The following PDE3A variants were observed in gnomAD, a reference collection of about 807,000 sequenced individuals.
PDE3A encodes cGMP-inhibited 3',5'-cyclic phosphodiesterase 3A.
Under a neutral mutation model 98.3 loss-of-function variants are expected in PDE3A, and 43 were observed. The observed-to-expected ratio is 0.44, with a 90% CI of 0.34 to 0.56. The LOEUF (loss-of-function observed/expected upper bound fraction) is 0.56, where lower values mean the gene tolerates loss of function less well. Among genes scored for constraint, PDE3A ranks in the 20% least tolerant of loss-of-function variants. PDE3A has a pLI of 0.01. For synonymous variants in PDE3A, 663 were observed against 567.9 expected, an observed-to-expected ratio of 1.17 and a Z score of -2.38; for missense variants, 1,427 against 1,440.7, an observed-to-expected ratio of 0.99 and a Z score of 0.15.
At chr12:20,644,949 C>T (rs1375411260) in intron 10 of PDE3A, among the ~76,000 whole-genome samples, 11 of 148,542 alleles carry the variant, frequency 7.4e-5, no homozygotes, top group Non-Finnish European at 8.9e-5. Context: ...AGTGCAGTGG[C>T]GCAGTCTCAG....
chr12:20,645,726 A>AC (rs1356308267), intron 10 of PDE3A, among the ~76,000 whole-genome samples: 1 of 151,746 alleles, frequency 6.6e-6, no homozygotes, highest in East Asian at 1.9e-4. Flanking sequence ...GTGGAGTATG[A>AC]CCCCCTTCCC....
chr12:20,580,537 T>C (rs2091883426), intron 2 of PDE3A, among the ~76,000 whole-genome samples: 1 of 152,192 alleles, frequency 6.6e-6, no homozygotes, highest in African/African-American at 2.4e-5. Context: ...ACTGGTAATA[T>C]TAAAAATATT....
At chr12:20,425,992 T>C (rs1365136123) in intron 1 of PDE3A, among the ~76,000 whole-genome samples, 1 of 152,182 alleles carries the variant, frequency 6.6e-6, no homozygotes, top group African/African-American at 2.4e-5. Flanking sequence ...CGTTAATTAC[T>C]AAAAAATTAT....
At chr12:20,435,618 TC>T (rs1236699274) in intron 1 of PDE3A, among the ~76,000 whole-genome samples, 3 of 152,170 alleles carry the variant, frequency 2.0e-5, no homozygotes, top group Non-Finnish European at 2.9e-5. Flanking sequence ...TGGATCTAAT[TC>T]CTGGTAGTAA....
chr12:20,403,938 ACT>A (rs890119420), intron 1 of PDE3A, among the ~76,000 whole-genome samples: 4 of 152,082 alleles, frequency 2.6e-5, no homozygotes, highest in Non-Finnish European at 5.9e-5. Context: ...AAATTTTCAA[ACT>A]CTATAATTTA....
chr12:20,567,209 A>G (rs1350865192), intron 2 of PDE3A, among the ~76,000 whole-genome samples: 1 of 152,034 alleles, frequency 6.6e-6, no homozygotes, highest in Non-Finnish European at 1.5e-5. Context: ...ATTATAATTT[A>G]TGAACTTACT....
chr12:20,369,631 G>C lies in PDE3A; in HGVS notation c.347G>C (p.Arg116Pro). The C allele has an allele frequency of 3.1e-6, 5 of 1,589,180 alleles. No homozygotes were observed. The highest frequency in any genetic ancestry group is 4.3e-6 in the Non-Finnish European group (5 of 1,168,546). Reference sequence around the variant, plus strand: ...GAAGGGGGCGTCTTCCCGGGGCCTCGGGGAGGTGCTCCCGGGGGCGGTGCG... The same window carrying C: ...GAAGGGGGCGTCTTCCCGGGGCCTCCGGGAGGTGCTCCCGGGGGCGGTGCG... ...GAEGGVFPGPRGGAPGGGARL... is the reference protein window; with the variant it reads ...GAEGGVFPGPPGGAPGGGARL... The change falls in exon 1 of 16, where the codon CGG (arginine) becomes CCG (proline). Residue 116 changes from arginine to proline, a missense_variant. Transcript: ENST00000359062.
At chr12:20,437,760 C>T (rs188209711) in intron 1 of PDE3A, among the ~76,000 whole-genome samples, 4 of 152,222 alleles carry the variant, frequency 2.6e-5, no homozygotes, top group Admixed American at 6.5e-5. Flanking sequence ...GACAATTCAA[C>T]GTGAGATTTA....
In PDE3A at chr12:20,580,786, TTAC is replaced by T. The variant is rs916543395; in HGVS notation, c.1011+24077_1011+24079del. 4.1e-4 allele frequency among the ~76,000 whole-genome samples: 63 copies of T among 152,308 alleles called. 1 individual carries two copies. The highest frequency in any genetic ancestry group is 1.4e-3 in the African/African-American group (60 of 41,562). On this transcript the variant is annotated intron_variant, in intron 2 of 15. Coordinates refer to ENST00000359062, the MANE Select transcript of PDE3A (RefSeq NM_000921.5). Reference sequence around the variant, plus strand: ...AGCCTAGTATTAAAGTAATGCTCCTTTACCCCCTCTGCACACTCGCATGTTGCT... The same window carrying T: ...AGCCTAGTATTAAAGTAATGCTCCTTCCCCTCTGCACACTCGCATGTTGCT...
intron 2 of PDE3A, among the ~76,000 whole-genome samples, chr12:20,605,835 C>T (rs1943697333): frequency 6.6e-6 from 1 of 152,116 alleles, no homozygotes; most frequent in Non-Finnish European, 1.5e-5. Context: ...TTTGGTGCTG[C>T]TTCTAATTCT....
intron 2 of PDE3A, among the ~76,000 whole-genome samples, chr12:20,598,385 T>C (rs1943515604): frequency 6.6e-6 from 1 of 152,046 alleles, no homozygotes; most frequent in African/African-American, 2.4e-5. Flanking sequence ...GGTTTCACCA[T>C]GTTTGCCAGG....
At chr12:20,650,007 T>A (rs1042562379) in intron 13 of PDE3A, among the ~76,000 whole-genome samples, 1 of 152,216 alleles carries the variant, frequency 6.6e-6, no homozygotes, top group Non-Finnish European at 1.5e-5. Flanking sequence ...TAATGATTTT[T>A]AAAATTTTCA....
At position 20,650,548 on chromosome 12, in the gene PDE3A, A is replaced by G; in HGVS notation, c.2873A>G (p.Lys958Arg). 6.2e-7 allele frequency: 1 copy of G among 1,612,164 alleles called. No individual in the cohort carries two copies. The highest frequency in any genetic ancestry group is 8.5e-7 in the Non-Finnish European group (1 of 1,178,478). Residue 958 changes from lysine (K) to arginine (R), a missense_variant, in exon 14 of 16, where the codon AAA (lysine) becomes AGA (arginine). Around this residue, in one of 3 missense-constraint regions of PDE3A, gnomAD observed 273 missense variants for 420.3 expected, o/e 0.65. Transcript: ENST00000359062. ...LADINGPAKC[K>R]ELHLQWTDGI... ...GATATCAATGGTCCAGCTAAATGTA[A>G]AGAACTCCATCTTCAGTGGACAGAT... is the stretch of plus-strand genomic sequence containing the variant.
At chr12:20,474,885 C>A (rs1208732172) in intron 1 of PDE3A, among the ~76,000 whole-genome samples, 4 of 152,142 alleles carry the variant, frequency 2.6e-5, no homozygotes, top group African/African-American at 9.7e-5. Flanking sequence ...TATAAAATAA[C>A]TTTGACAGGT....
chr12:20,651,770 T>TG, intron 14 of PDE3A, among the ~76,000 whole-genome samples: 1 of 150,890 alleles, frequency 6.6e-6, no homozygotes, highest in South Asian at 2.1e-4. Context: ...ATGAAAGATT[T>TG]TTTTTATTTT....
At chr12:20,657,245 A>G (rs1455864163) in intron 15 of PDE3A, among the ~76,000 whole-genome samples, 1 of 152,176 alleles carries the variant, frequency 6.6e-6, no homozygotes, top group Non-Finnish European at 1.5e-5. Context: ...CACTTTACAT[A>G]TATTAAACTA....
chr12:20,632,709 C>T (rs1282671891), intron 6 of PDE3A, among the ~76,000 whole-genome samples: 1 of 151,850 alleles, frequency 6.6e-6, no homozygotes, highest in East Asian at 1.9e-4. Context: ...ACATCTAGGG[C>T]CTGTTTCTCT....
rs529032644 is a variant in PDE3A, at chr12:20,511,938, C to T, written c.961-44722C>T. 2.6e-5 allele frequency among the ~76,000 whole-genome samples: 4 copies of T among 152,126 alleles called. No individual in the cohort carries two copies. In the South Asian group the frequency reaches 8.3e-4, roughly 32 times the overall value. ...TGGTTGTCTCCTCAAAAATCCATAA[C>T]TCCATCTTATGAAAAAAGTTCAGAC... On this transcript the variant is annotated intron_variant, in intron 1 of 15. Coordinates refer to ENST00000359062, the MANE Select transcript of PDE3A (RefSeq NM_000921.5).
rs1945257238 is a variant in PDE3A, at chr12:20,664,431, C to T, written c.3184+10226C>T. The stretch of plus-strand genomic sequence containing the variant: ...TCTACCAGCTGCCTACTTTACCTCT[C>T]TACTCAGAGGTCTTCCAGACACTTC... On this transcript the variant is annotated intron_variant, in intron 15 of 15. Coordinates refer to ENST00000359062, the MANE Select transcript of PDE3A (RefSeq NM_000921.5). Among the ~76,000 whole-genome samples, 5 of 152,196 alleles carry T rather than the reference C, an allele frequency of 3.3e-5. No individual in the cohort carries two copies. The South Asian group carries it at 1.0e-3, about 32-fold the overall frequency.
Sources: gnomAD v4.1 joint callset for allele counts (sites outside exome capture counted in the v4.1 genomes callset) on GRCh38, gnomAD v4.1.1 for gene constraint, gnomAD v4.1.1 regional missense constraint, MANE v1.5 for transcripts, NCBI Gene and HGNC (gene_info 2026-07-23, HGNC 2026-07-21) for gene names.